The following SPINK13 variants were observed in gnomAD, a reference collection of about 807,000 sequenced individuals.
SPINK13 encodes the protein serine protease inhibitor Kazal-type 13.
Under a neutral mutation model 11.0 loss-of-function variants are expected in SPINK13, and 11 were observed. The ratio of observed to expected loss-of-function variants is 1.00; its 90% CI spans 0.63 to 1.65. SPINK13 has a LOEUF of 1.65. Ranked by LOEUF, SPINK13 falls within the 40% of genes most tolerant of loss-of-function variation. SPINK13 has a pLI of 0.00. For synonymous variants in SPINK13, 31 were observed against 35.6 expected (o/e 0.87, Z 0.46); for missense variants, 113 against 117.7 (o/e 0.96, Z 0.19).
At chr5:148,276,244 T>C (rs1756426968) in intron 3 of SPINK13, among the ~76,000 whole-genome samples, 1 of 152,222 alleles carries the variant, frequency 6.6e-6, no homozygotes, top group African/African-American at 2.4e-5. Flanking sequence ...TTCTGTAGGT[T>C]GCCTGTTCAC....
At chr5:148,284,473 A>C (rs1358859302) in intron 4 of SPINK13, among the ~76,000 whole-genome samples, 1 of 152,234 alleles carries the variant, frequency 6.6e-6, no homozygotes, top group Non-Finnish European at 1.5e-5. Flanking sequence ...CATTGTAGCC[A>C]ATAGGAGCAC....
At chr5:148,271,673 T>C (rs1756352616) in intron 2 of SPINK13, among the ~76,000 whole-genome samples, 1 of 152,206 alleles carries the variant, frequency 6.6e-6, no homozygotes, top group Non-Finnish European at 1.5e-5. Context: ...AGACGGAGTC[T>C]CACTCTGTCG....
intron 3 of SPINK13, among the ~76,000 whole-genome samples, chr5:148,278,940 G>T (rs999299878): frequency 1.3e-5 from 2 of 151,964 alleles, no homozygotes; most frequent in African/African-American, 4.8e-5. Flanking sequence ...TATGAATCTG[G>T]GTGCTCCTGT....
chr5:148,273,342 T>A lies in SPINK13; in HGVS notation c.71-1005T>A, dbSNP rs143121792. 8.2e-4 allele frequency among the ~76,000 whole-genome samples: 125 copies of A among 152,222 alleles called. No homozygotes were observed. In the East Asian group the frequency reaches 0.021, roughly 26 times the overall value. Reference sequence around the variant, plus strand: ...CTGTTATTGTATTTAGATTAATGAATCTTTATGATGAAAAAGGAATTATGT... The same window carrying A: ...CTGTTATTGTATTTAGATTAATGAAACTTTATGATGAAAAAGGAATTATGT... On this transcript the variant is annotated intron_variant, in intron 2 of 4. Transcript: ENST00000398450.
intron 2 of SPINK13, among the ~76,000 whole-genome samples, chr5:148,273,598 T>C (rs17108106): frequency 0.038 from 5,803 of 152,182 alleles, 371 homozygotes; most frequent in African/African-American, 0.13. Flanking sequence ...TCTGAAAGAG[T>C]GTACATGTAA....
intron 3 of SPINK13, among the ~76,000 whole-genome samples, chr5:148,275,053 T>C (rs1756404944): frequency 6.6e-6 from 1 of 152,168 alleles, no homozygotes; most frequent in Non-Finnish European, 1.5e-5. Context: ...GCTACATAGG[T>C]ATACATGTGC....
chr5:148,272,234 T>A (rs1561749777), intron 2 of SPINK13, among the ~76,000 whole-genome samples: 1 of 152,212 alleles, frequency 6.6e-6, no homozygotes, highest in East Asian at 1.9e-4. Flanking sequence ...GGTATATATC[T>A]GGAGTATATA....
intron 3 of SPINK13, 51 bp from the exon 4 acceptor site, chr5:148,282,053 A>T: frequency 6.2e-7 from 1 of 1,602,848 alleles, no homozygotes; most frequent in Non-Finnish European, 8.5e-7. Flanking sequence ...AGGAAGAAAT[A>T]GATGGGAGAG....
intron 2 of SPINK13, 149 bp from the exon 3 acceptor site, chr5:148,274,198 T>C (rs1756391186): frequency 2.1e-6 from 1 of 480,142 alleles, no homozygotes; most frequent in Admixed American, 3.5e-5. Context: ...AAAAGGAATG[T>C]TACTGCAAAT....
At chr5:148,275,158 C>T (rs1290105676) in intron 3 of SPINK13, among the ~76,000 whole-genome samples, 1 of 152,082 alleles carries the variant, frequency 6.6e-6, no homozygotes, top group East Asian at 1.9e-4. Context: ...CAACAGGCTC[C>T]AGTGTGTAAT....
intron 2 of SPINK13, among the ~76,000 whole-genome samples, chr5:148,272,209 C>T (rs948235657): frequency 4.0e-4 from 61 of 152,022 alleles, no homozygotes; most frequent in African/African-American, 1.3e-3. Flanking sequence ...TGCACGTGAA[C>T]GAGAGTTTCT....
chr5:148,282,086 G>T lies in SPINK13; in HGVS notation c.109-18G>T, dbSNP rs1244337507. On this transcript the variant is annotated intron_variant, in intron 3 of 4. Coordinates refer to ENST00000398450, the MANE Select transcript of SPINK13 (RefSeq NM_001040129.3). ...GAGAGTGTATTATTTGTCACTTTATGGTGTCATGTATTTGCAGCCCCGATG... is the reference window on the plus strand; with the variant it reads ...GAGAGTGTATTATTTGTCACTTTATTGTGTCATGTATTTGCAGCCCCGATG... 6.2e-7 allele frequency: 1 copy of T among 1,613,438 alleles called. No individual in the cohort carries two copies. The highest frequency in any genetic ancestry group is 8.5e-7 in the Non-Finnish European group (1 of 1,179,644).
At chr5:148,271,541 T>C (rs999719610) in intron 2 of SPINK13, among the ~76,000 whole-genome samples, 10 of 152,186 alleles carry the variant, frequency 6.6e-5, no homozygotes, top group Admixed American at 2.6e-4. Flanking sequence ...ATGCTCTTAT[T>C]TTTAATATAG....
intron 1 of SPINK13, 83 bp downstream of exon 1, chr5:148,268,971 C>G (rs140717841): frequency 2.1e-4 from 32 of 152,656 alleles, no homozygotes; most frequent in African/African-American, 7.0e-4. Context: ...GTGGGTTTCC[C>G]TCTTTTTCCT....
intron 1 of SPINK13, 78 bp from the exon 2 acceptor site, chr5:148,269,962 C>T (rs1266125485): frequency 2.9e-6 from 3 of 1,050,530 alleles, no homozygotes; most frequent in African/African-American, 3.1e-5. Flanking sequence ...AATGGTATCA[C>T]CTTAGGGTAT....
chr5:148,279,642 G>A (rs1028318657), intron 3 of SPINK13, among the ~76,000 whole-genome samples: 4 of 152,224 alleles, frequency 2.6e-5, no homozygotes, highest in Non-Finnish European at 5.9e-5. Context: ...TTTCTGCAGA[G>A]AGATCCACTG....
chr5:148,273,632 G>C (rs535095238), intron 2 of SPINK13, among the ~76,000 whole-genome samples: 5 of 152,078 alleles, frequency 3.3e-5, no homozygotes, highest in Admixed American at 1.3e-4. Context: ...TTCCTCGAAA[G>C]GTTAGTAGTC....
intron 3 of SPINK13, among the ~76,000 whole-genome samples, chr5:148,277,327 G>A (rs62387729): frequency 0.04 from 6,081 of 152,252 alleles, 269 homozygotes; most frequent in Admixed American, 0.13. Context: ...AATAGGAGTG[G>A]TGAGAGAGGA....
rs1294078955 is a variant in SPINK13 at position 148,274,160 on chromosome 5, A to C, written c.71-187A>C. Among the ~76,000 whole-genome samples, 12 of 152,346 alleles carry C rather than the reference A, an allele frequency of 7.9e-5. No homozygotes were observed. The East Asian group carries it at 2.1e-3, about 27-fold the overall frequency. On this transcript the variant is annotated intron_variant, in intron 2 of 4. Coordinates refer to ENST00000398450, the MANE Select transcript of SPINK13 (RefSeq NM_001040129.3). ...ATTTATAAATAAAATCAATACTGTGAAAAAGAAAAAGTGGATAAAGTAATT... is the reference window on the plus strand; with the variant it reads ...ATTTATAAATAAAATCAATACTGTGCAAAAGAAAAAGTGGATAAAGTAATT...
Sources: allele counts gnomAD v4.1 joint callset (sites outside exome capture counted in the v4.1 genomes callset), GRCh38; gene constraint gnomAD v4.1.1; transcripts MANE v1.5; gene names NCBI Gene and HGNC (gene_info 2026-07-23, HGNC 2026-07-21).